The following XPO7 variants were observed in gnomAD, a reference collection of about 807,000 sequenced individuals.
XPO7 encodes exportin-7.
A neutral mutation model predicts 144.3 loss-of-function variants in XPO7; 21 were observed. The ratio of observed to expected loss-of-function variants is 0.15; its 90% CI spans 0.10 to 0.21. The LOEUF is 0.21. XPO7 is among the 10% of genes least tolerant of loss of function. The pLI is 1.00. For synonymous variants in XPO7, 580 were observed against 499.6 expected (o/e 1.16, Z -2.15); for missense variants, 808 against 1,325.8 (o/e 0.61, Z 6.06).
At chr8:21,963,147 T>C (rs1313548565) in intron 1 of XPO7, among the ~76,000 whole-genome samples, 3 of 152,244 alleles carry the variant, frequency 2.0e-5, no homozygotes, top group African/African-American at 4.8e-5. Flanking sequence ...CTAAGTTTTC[T>C]AGAACTTCTC....
intron 15 of XPO7, 77 bp from the exon 16 acceptor site, chr8:21,988,924 CTT>C: frequency 7.4e-7 from 1 of 1,354,004 alleles, no homozygotes; most frequent in East Asian, 2.4e-5. Flanking sequence ...TGATGAATGA[CTT>C]TCTTCTTCTC....
chr8:21,996,996 C>T (rs62492122), intron 21 of XPO7, among the ~76,000 whole-genome samples: 1,703 of 152,146 alleles, frequency 0.011, 16 homozygotes, highest in Non-Finnish European at 0.019. Flanking sequence ...TTAGTAGAGA[C>T]GGGGTTTCTC....
intron 1 of XPO7, among the ~76,000 whole-genome samples, chr8:21,944,456 A>C (rs951527369): frequency 3.3e-5 from 5 of 152,170 alleles, no homozygotes; most frequent in African/African-American, 1.2e-4. Flanking sequence ...AATCCCAGCT[A>C]CTCGGGAGGC....
intron 1 of XPO7, among the ~76,000 whole-genome samples, chr8:21,938,738 T>C (rs935329116): frequency 2.0e-5 from 3 of 152,068 alleles, no homozygotes; most frequent in Admixed American, 2.0e-4. Flanking sequence ...AATACCCTTA[T>C]ATTAACTTTT....
In XPO7 at chr8:22,004,870, G is replaced by C. The variant is rs561800611; in HGVS notation, c.3171-125G>C. On this transcript the variant is annotated intron_variant, in intron 27 of 27. Coordinates refer to ENST00000252512, the MANE Select transcript of XPO7 (RefSeq NM_015024.5). ...TAGAGTCTTAAGACTGAAATTAACT[G>C]ATCTTTGAAACAGAACCCATCAATT... is the stretch of plus-strand genomic sequence containing the variant. 1.9e-5 allele frequency: 11 copies of C among 576,824 alleles called. No individual in the cohort carries two copies. In the African/African-American group the frequency reaches 2.2e-4, roughly 11 times the overall value. 35.7% of individuals were successfully genotyped at this position (576,824 alleles called of 1,614,324 possible).
chr8:21,964,773 C>T (rs1811831949), intron 1 of XPO7, among the ~76,000 whole-genome samples: 1 of 152,160 alleles, frequency 6.6e-6, no homozygotes, highest in Non-Finnish European at 1.5e-5. Context: ...AACAAAACAA[C>T]AACAAAAAGC....
chr8:21,921,035 A>G (rs1219012403), intron 1 of XPO7, among the ~76,000 whole-genome samples: 2 of 152,170 alleles, frequency 1.3e-5, no homozygotes, highest in Non-Finnish European at 2.9e-5. Flanking sequence ...GTCAGGACAG[A>G]ATTATAGCAA....
intron 1 of XPO7, among the ~76,000 whole-genome samples, chr8:21,951,795 CT>C (rs1811381389): frequency 2.0e-5 from 3 of 151,572 alleles, no homozygotes; most frequent in Non-Finnish European, 2.9e-5. Context: ...TTGGAAAATT[CT>C]TTATGAAGAG....
intron 1 of XPO7, among the ~76,000 whole-genome samples, chr8:21,920,222 C>T (rs1175989331): frequency 6.7e-6 from 1 of 149,810 alleles, no homozygotes; most frequent in African/African-American, 2.5e-5. Flanking sequence ...AAAAAGGAAA[C>T]CTCGCGCTGA....
At chr8:21,994,509 G>T in intron 20 of XPO7, 58 bp downstream of exon 20, 1 of 1,500,174 alleles carries the variant, frequency 6.7e-7, no homozygotes, top group African/African-American at 1.4e-5. Flanking sequence ...GTGTGATTGG[G>T]TGATAGGGTC....
Position 22,005,010 on chromosome 8 carries a change from G to T in XPO7, c.3186G>T (p.Leu1062=). 1 of 1,606,692 alleles carries T rather than the reference G, an allele frequency of 6.2e-7. No homozygotes were observed. Among genetic ancestry groups the T allele is most frequent in the Non-Finnish European group, 8.5e-7 (1 of 1,177,852 alleles). The change falls in exon 28 of 28, where the codon CTG becomes CTT. Residue 1062 remains leucine (L), a synonymous_variant. Transcript: ENST00000252512. ...CTCTCTGCAGGTTCACCCAGAACCT[G>T]TCAGCATTCCGTCGAGAAGTCAACG... ...TKNRDRFTQN[L]SAFRREVNDS... is the part of the protein sequence containing the mutation.
chr8:21,982,739 C>T lies in XPO7; in HGVS notation c.1204C>T (p.Leu402=), dbSNP rs1468251595. 7.4e-6 allele frequency: 12 copies of T among 1,613,862 alleles called. No homozygotes were observed. The highest frequency in any genetic ancestry group is 1.3e-5 in the African/African-American group (1 of 74,932). ...TGTCAAAGCCACAGAGCCCCACATG[C>T]TGGAAACTTACACTCCTGAGGTCAC... ...PYVKATEPHM[L]ETYTPEVTKA... is the part of the protein sequence containing the mutation. Residue 402 remains leucine, a synonymous_variant, in exon 11 of 28, where the codon CTG becomes TTG. Transcript: ENST00000252512.
chr8:21,926,712 G>A (rs1015555312), intron 1 of XPO7, among the ~76,000 whole-genome samples: 3 of 151,930 alleles, frequency 2.0e-5, no homozygotes. Flanking sequence ...TGGGAAACCT[G>A]ATGTATATTT....
At chr8:22,003,374 T>TG in intron 26 of XPO7, 57 bp downstream of exon 26, 2 of 1,376,350 alleles carry the variant, frequency 1.5e-6, no homozygotes, top group Non-Finnish European at 2.0e-6. Flanking sequence ...ACGCACTTGG[T>TG]ATCACCAAGC....
intron 1 of XPO7, among the ~76,000 whole-genome samples, chr8:21,925,860 T>G (rs1372637428): frequency 6.6e-6 from 1 of 152,236 alleles, no homozygotes; most frequent in Admixed American, 6.5e-5. Context: ...ACATTTCCAT[T>G]TTATCTATCT....
chr8:21,982,130 C>T (rs1394644259), intron 10 of XPO7, among the ~76,000 whole-genome samples: 1 of 151,870 alleles, frequency 6.6e-6, no homozygotes, highest in Non-Finnish European at 1.5e-5. Flanking sequence ...CATAGTCACC[C>T]CAAAAAAGCC....
At chr8:21,966,000 T>C (rs1402735515) in intron 1 of XPO7, among the ~76,000 whole-genome samples, 4 of 152,210 alleles carry the variant, frequency 2.6e-5, no homozygotes, top group South Asian at 2.1e-4. Context: ...AAAGGTGATA[T>C]TGAAGTATAG....
intron 1 of XPO7, among the ~76,000 whole-genome samples, chr8:21,937,458 G>A (rs1021288802): frequency 1.3e-5 from 2 of 152,300 alleles, no homozygotes; most frequent in African/African-American, 2.4e-5. Flanking sequence ...CAGGAGCTGA[G>A]TTTAGTGTAC....
chr8:21,960,507 G>A (rs1563322286), intron 1 of XPO7, among the ~76,000 whole-genome samples: 1 of 152,152 alleles, frequency 6.6e-6, no homozygotes, highest in Non-Finnish European at 1.5e-5. Flanking sequence ...CATGTGTTTT[G>A]GCCACATATT....
Sources: gnomAD v4.1 joint callset for allele counts (sites outside exome capture counted in the v4.1 genomes callset) on GRCh38, gnomAD v4.1.1 for gene constraint, MANE v1.5 for transcripts, NCBI Gene and HGNC (gene_info 2026-07-23, HGNC 2026-07-21) for gene names.